DRC11: variants seen among roughly 807,000 people sequenced by gnomAD.
DRC11 encodes dynein regulatory complex subunit 11.
chr2:236,408,867 T>G, the DRC11 span: 1 of 652,160 alleles, frequency 1.5e-6, no homozygotes, highest in South Asian at 1.6e-5. The surrounding 1 kb of genome is among the most constrained non-coding windows in gnomAD (Gnocchi z 5.5). Context: ...CTCTACCACC[T>G]CCTTCTTGTT....
At chr2:236,340,265 C>T in the DRC11 span, among the ~76,000 whole-genome samples, 166 of 152,322 alleles carry the variant, frequency 1.1e-3, no homozygotes, top group Non-Finnish European at 2.2e-3. Flanking sequence ...GCTGGGATTA[C>T]AGGTGTGCAC....
the DRC11 span, among the ~76,000 whole-genome samples, chr2:236,501,103 T>C: frequency 6.6e-6 from 1 of 152,184 alleles, no homozygotes; most frequent in Non-Finnish European, 1.5e-5. Context: ...GGGGAGCTTT[T>C]ACTCATGGTG....
At chr2:236,461,677 C>T in the DRC11 span, among the ~76,000 whole-genome samples, 2 of 152,196 alleles carry the variant, frequency 1.3e-5, no homozygotes, top group Non-Finnish European at 2.9e-5. This position sits in a 1 kb window ranked among gnomAD's most constrained non-coding sequence, Gnocchi z 4.0. Flanking sequence ...GAGGTCTCAG[C>T]ACCCTTCATC....
the DRC11 span, chr2:236,488,176 T>A: frequency 6.3e-7 from 1 of 1,596,774 alleles, no homozygotes; most frequent in Admixed American, 1.8e-5. Context: ...AAAGGGATAC[T>A]CTTTACAGGG....
At chr2:236,351,177 G>C in the DRC11 span, among the ~76,000 whole-genome samples, 2 of 152,280 alleles carry the variant, frequency 1.3e-5, no homozygotes, top group South Asian at 4.2e-4. The surrounding 1 kb of genome is among the most constrained non-coding windows in gnomAD (Gnocchi z 7.3). Context: ...AGGTGCCAGG[G>C]TCACAAAGAG....
At chr2:236,309,991 G>GT in the DRC11 span, among the ~76,000 whole-genome samples, 1 of 152,218 alleles carries the variant, frequency 6.6e-6, no homozygotes, top group Non-Finnish European at 1.5e-5. This position sits in a 1 kb window ranked among gnomAD's most constrained non-coding sequence, Gnocchi z 5.7. Context: ...AAGCTCTCTG[G>GT]TGCTGCCTGT....
the DRC11 span, among the ~76,000 whole-genome samples, chr2:236,414,131 C>T: frequency 3.3e-5 from 5 of 152,134 alleles, no homozygotes; most frequent in Non-Finnish European, 5.9e-5. Flanking sequence ...AGGTGCTAAT[C>T]CTTTTCAGAT....
chr2:236,410,846 T>C, the DRC11 span, among the ~76,000 whole-genome samples: 6 of 146,598 alleles, frequency 4.1e-5, no homozygotes, highest in South Asian at 4.4e-4. Context: ...TAGCCATATG[T>C]AGAAAGCTGA....
the DRC11 span, among the ~76,000 whole-genome samples, chr2:236,468,662 C>A: frequency 6.6e-6 from 1 of 152,072 alleles, no homozygotes; most frequent in African/African-American, 2.4e-5. Flanking sequence ...GTTTTTCATT[C>A]CTCGTGCTTA....
chr2:236,338,105 A>T, the DRC11 span: 7 of 1,204,200 alleles, frequency 5.8e-6, no homozygotes, highest in South Asian at 1.1e-4. Flanking sequence ...CCCTCAACTC[A>T]TCTGGCGCCC....
At chr2:236,485,839 C>T in the DRC11 span, among the ~76,000 whole-genome samples, 3 of 152,200 alleles carry the variant, frequency 2.0e-5, no homozygotes, top group African/African-American at 4.8e-5. Flanking sequence ...GCAGAGGAGT[C>T]AGCCTTCCTC....
chr2:236,403,343 G>T, the DRC11 span, among the ~76,000 whole-genome samples: 1 of 151,950 alleles, frequency 6.6e-6, no homozygotes, highest in East Asian at 1.9e-4. Flanking sequence ...GAAGAGGGAG[G>T]AAAAGAGAGA....
the DRC11 span, among the ~76,000 whole-genome samples, chr2:236,430,284 C>T: frequency 4.6e-5 from 7 of 152,026 alleles, no homozygotes; most frequent in African/African-American, 1.7e-4. This position sits in a 1 kb window ranked among gnomAD's most constrained non-coding sequence, Gnocchi z 6.0. Context: ...AGTAATATGT[C>T]ATTGAAGTTG....
the DRC11 span, among the ~76,000 whole-genome samples, chr2:236,358,334 G>A: frequency 1.3e-4 from 16 of 126,812 alleles, no homozygotes; most frequent in East Asian, 4.9e-4. Context: ...GAATATATAT[G>A]ATATATAGAT....
At chr2:236,500,084 A>ATGATGATGATGATGAT in the DRC11 span, among the ~76,000 whole-genome samples, 1 of 116,934 alleles carries the variant, frequency 8.6e-6, no homozygotes, top group East Asian at 2.0e-4. The surrounding 1 kb of genome is among the most constrained non-coding windows in gnomAD (Gnocchi z 6.3). Flanking sequence ...TTGGGTTCAG[A>ATGATGATGATGATGAT]TGATGATGAT....
the DRC11 span, among the ~76,000 whole-genome samples, chr2:236,341,912 G>A: frequency 0.018 from 2,786 of 152,266 alleles, 97 homozygotes; most frequent in African/African-American, 0.064. Context: ...CATATGTATT[G>A]TGCTTGGGAA....
At chr2:236,329,782 G>C in the DRC11 span, among the ~76,000 whole-genome samples, 4 of 152,220 alleles carry the variant, frequency 2.6e-5, no homozygotes, top group African/African-American at 9.6e-5. Flanking sequence ...GGTAATGATG[G>C]CAAAATGATG....
the DRC11 span, among the ~76,000 whole-genome samples, chr2:236,309,806 C>T: frequency 0.084 from 12,814 of 152,220 alleles, 1,240 homozygotes; most frequent in East Asian, 0.24. The surrounding 1 kb of genome is among the most constrained non-coding windows in gnomAD (Gnocchi z 5.7). Flanking sequence ...AGGTGCCCGA[C>T]GGTCCACCTC....
the DRC11 span, among the ~76,000 whole-genome samples, chr2:236,421,308 G>A: frequency 6.6e-6 from 1 of 152,020 alleles, no homozygotes; most frequent in African/African-American, 2.4e-5. Flanking sequence ...TTGATAGACT[G>A]CTAGCAAGAC....
Sources: allele counts gnomAD v4.1 joint callset (sites outside exome capture counted in the v4.1 genomes callset), GRCh38; gene constraint gnomAD v4.1.1; non-coding constraint Gnocchi (gnomAD v3.1); transcripts MANE v1.5; gene names NCBI Gene and HGNC (gene_info 2026-07-23, HGNC 2026-07-21).